CDKAL1: variants seen among roughly 807,000 people sequenced by gnomAD.
The protein encoded by CDKAL1 is CDKAL1 threonylcarbamoyladenosine tRNA methylthiotransferase, also known as threonylcarbamoyladenosine tRNA methylthiotransferase.
In CDKAL1, 32 loss-of-function variants were observed where a neutral mutation model predicts 68.2. The observed-to-expected ratio is 0.47, with a 90% CI of 0.35 to 0.63. The LOEUF (loss-of-function observed/expected upper bound fraction) is 0.63. Ranked by LOEUF, CDKAL1 falls within the 30% of genes least tolerant of loss-of-function variation. The pLI is 0.00. For synonymous variants in CDKAL1, 234 were observed against 244.3 expected, an observed-to-expected ratio of 0.96 and a Z score of 0.39; for missense variants, 606 against 696.7, an observed-to-expected ratio of 0.87 and a Z score of 1.47.
intron 9 of CDKAL1, among the ~76,000 whole-genome samples, chr6:20,949,568 ATG>A (rs1156955663): frequency 1.3e-5 from 2 of 152,196 alleles, no homozygotes; most frequent in Non-Finnish European, 2.9e-5. Flanking sequence ...ATGATGATTG[ATG>A]GAACCAAAAT....
intron 8 of CDKAL1, among the ~76,000 whole-genome samples, chr6:20,837,471 T>C (rs1777995536): frequency 6.6e-6 from 1 of 152,122 alleles, no homozygotes; most frequent in South Asian, 2.1e-4. Context: ...AAAACAATAG[T>C]TTTGTTCACT....
intron 9 of CDKAL1, among the ~76,000 whole-genome samples, chr6:20,865,537 GT>G (rs1160706438): frequency 6.6e-6 from 1 of 151,770 alleles, no homozygotes; most frequent in Non-Finnish European, 1.5e-5. Context: ...AGAGAAAAGT[GT>G]TTTAATATTT....
At chr6:20,571,795 T>C (rs1192669837) in intron 4 of CDKAL1, among the ~76,000 whole-genome samples, 1 of 151,982 alleles carries the variant, frequency 6.6e-6, no homozygotes, top group African/African-American at 2.4e-5. Context: ...AAAAATGCAT[T>C]TGAGCTTCTT....
intron 11 of CDKAL1, among the ~76,000 whole-genome samples, chr6:21,057,908 T>G (rs926310602): frequency 6.6e-6 from 1 of 152,220 alleles, no homozygotes; most frequent in African/African-American, 2.4e-5. Context: ...CTTTTGCATT[T>G]GCTAAGGAAT....
chr6:21,181,224 C>T (rs1777777738), intron 13 of CDKAL1, among the ~76,000 whole-genome samples: 1 of 152,228 alleles, frequency 6.6e-6, no homozygotes, highest in African/African-American at 2.4e-5. Flanking sequence ...CGAATCACCA[C>T]TTAAAGATTC....
chr6:21,068,472 G>A (rs1771579545), intron 12 of CDKAL1, among the ~76,000 whole-genome samples: 1 of 152,066 alleles, frequency 6.6e-6, no homozygotes, highest in South Asian at 2.1e-4. Flanking sequence ...TTGAGTCAAT[G>A]CAGTTTATTG....
chr6:20,750,482 CT>C (rs1375883264), intron 6 of CDKAL1, among the ~76,000 whole-genome samples: 1 of 152,094 alleles, frequency 6.6e-6, no homozygotes, highest in Non-Finnish European at 1.5e-5. Context: ...TTGTCTGAGT[CT>C]CTTGAAAGTT....
At chr6:21,164,029 C>T (rs967623594) in intron 13 of CDKAL1, among the ~76,000 whole-genome samples, 1 of 151,890 alleles carries the variant, frequency 6.6e-6, no homozygotes, top group Non-Finnish European at 1.5e-5. Flanking sequence ...CTAGCATTGC[C>T]CCTCTACCTA....
chr6:20,936,161 C>T (rs1022648626), intron 9 of CDKAL1, among the ~76,000 whole-genome samples: 6 of 151,602 alleles, frequency 4.0e-5, no homozygotes, highest in Non-Finnish European at 5.9e-5. Context: ...GTGGTTATGC[C>T]GACCTATCTT....
At chr6:21,032,303 T>A (rs911806313) in intron 11 of CDKAL1, among the ~76,000 whole-genome samples, 4 of 152,270 alleles carry the variant, frequency 2.6e-5, no homozygotes, top group Non-Finnish European at 5.9e-5. Context: ...TTGCCCAGGC[T>A]GGTCTCAAAC....
intron 7 of CDKAL1, among the ~76,000 whole-genome samples, chr6:20,771,546 C>G (rs1774943005): frequency 1.3e-5 from 2 of 152,086 alleles, no homozygotes; most frequent in Admixed American, 1.3e-4. Flanking sequence ...CGCGAGGAGA[C>G]TTGACATGTT....
chr6:20,541,525 C>T (rs1581696380), intron 2 of CDKAL1, among the ~76,000 whole-genome samples: 1 of 152,202 alleles, frequency 6.6e-6, no homozygotes, highest in Non-Finnish European at 1.5e-5. Context: ...GTAGAATCCT[C>T]ACAGTGATTC....
chr6:20,735,660 T>C (rs1034953638), intron 5 of CDKAL1, among the ~76,000 whole-genome samples: 1 of 152,244 alleles, frequency 6.6e-6, no homozygotes. Flanking sequence ...AATTTTTTGG[T>C]GTTCTTATTC....
intron 8 of CDKAL1, among the ~76,000 whole-genome samples, chr6:20,838,951 G>A (rs187108173): frequency 6.6e-6 from 1 of 151,190 alleles, no homozygotes; most frequent in Non-Finnish European, 1.5e-5. Flanking sequence ...CACCAGCCTG[G>A]GAGACAGAGC....
At position 21,070,302 on chromosome 6, in the gene CDKAL1, T is replaced by C. The variant is rs538592848; in HGVS notation, c.1236+5074T>C. On this transcript the variant is annotated intron_variant, in intron 12 of 15. Transcript: ENST00000274695. ...AATCCTATGGCCTCTTTTTATTTTG[T>C]ACTGTCTCTGTCCCTTTTAGTCTAC... 2.4e-4 allele frequency among the ~76,000 whole-genome samples: 36 copies of C among 152,324 alleles called. 2 individuals are homozygous for C. Among genetic ancestry groups the C allele is most frequent in the African/African-American group, 8.7e-4 (36 of 41,582 alleles).
chr6:20,901,790 T>G (rs1037997747), intron 9 of CDKAL1, among the ~76,000 whole-genome samples: 1 of 152,056 alleles, frequency 6.6e-6, no homozygotes, highest in African/African-American at 2.4e-5. Flanking sequence ...CGTTTGTTTT[T>G]TTCTGAGACA....
At chr6:21,120,527 T>G (rs1364956601) in intron 13 of CDKAL1, among the ~76,000 whole-genome samples, 4 of 152,214 alleles carry the variant, frequency 2.6e-5, no homozygotes, top group African/African-American at 4.8e-5. Flanking sequence ...AAATTCTCCC[T>G]TTGTAACCTT....
In CDKAL1 at chr6:20,836,137, C is replaced by T. The variant is rs1176844584; in HGVS notation, c.639-9938C>T. On this transcript the variant is annotated intron_variant, in intron 8 of 15. Coordinates refer to ENST00000274695, the MANE Select transcript of CDKAL1 (RefSeq NM_017774.3). ...ATGAATAGCCCACACCTGCACTTTTCGATAGTGACTCGGTAGAGTAACTAT... is the reference window on the plus strand; with the variant it reads ...ATGAATAGCCCACACCTGCACTTTTTGATAGTGACTCGGTAGAGTAACTAT... Among the ~76,000 whole-genome samples, 5 of 152,010 alleles carry T rather than the reference C, an allele frequency of 3.3e-5. No homozygotes were observed. The South Asian group carries it at 6.2e-4, about 19-fold the overall frequency.
chr6:21,037,725 G>C (rs948601319), intron 11 of CDKAL1, among the ~76,000 whole-genome samples: 28 of 152,130 alleles, frequency 1.8e-4, no homozygotes, highest in Non-Finnish European at 3.4e-4. Flanking sequence ...GTATTGGATA[G>C]TTCAGCTCTA....
Sources: gnomAD v4.1 joint callset for allele counts (sites outside exome capture counted in the v4.1 genomes callset) on GRCh38, gnomAD v4.1.1 for gene constraint, MANE v1.5 for transcripts, NCBI Gene and HGNC (gene_info 2026-07-23, HGNC 2026-07-21) for gene names.